Variants in ANO2 observed in about 807,000 individuals in gnomAD.
ANO2 encodes anoctamin 2, also known as anoctamin-2.
A neutral mutation model predicts 124.2 loss-of-function variants in ANO2; 101 were observed. The ratio of observed to expected loss-of-function variants is 0.81; its 90% CI spans 0.69 to 0.96. The LOEUF (loss-of-function observed/expected upper bound fraction) is 0.96, where lower values mean the gene tolerates loss of function less well. ANO2 is among the 40% of genes least tolerant of loss of function. ANO2 has a pLI of 0.00. For missense variants in ANO2, 1,293 were observed against 1,274.5 expected, an observed-to-expected ratio of 1.01 and a Z score of -0.22; for synonymous variants, 486 against 482.5, an observed-to-expected ratio of 1.01 and a Z score of -0.09.
intron 3 of ANO2, among the ~76,000 whole-genome samples, chr12:5,867,031 A>G (rs1955444967): frequency 6.6e-6 from 1 of 152,220 alleles, no homozygotes; most frequent in Non-Finnish European, 1.5e-5. Flanking sequence ...ATGACAGAAC[A>G]AGCCTCCCAT....
At chr12:5,739,233 A>T (rs546432843) in intron 13 of ANO2, 84 bp downstream of exon 13, 1 of 1,229,508 alleles carries the variant, frequency 8.1e-7, no homozygotes, top group East Asian at 2.5e-5. Context: ...ATACATGGTT[A>T]TCTCACTCAA....
At chr12:5,644,836 A>G (rs1946548792) in intron 15 of ANO2, among the ~76,000 whole-genome samples, 1 of 152,206 alleles carries the variant, frequency 6.6e-6, no homozygotes, top group South Asian at 2.1e-4. Context: ...TGGGCATAGA[A>G]TTCTTAGTTA....
At chr12:5,690,907 G>T (rs1948906131) in intron 14 of ANO2, among the ~76,000 whole-genome samples, 1 of 152,150 alleles carries the variant, frequency 6.6e-6, no homozygotes, top group Non-Finnish European at 1.5e-5. Flanking sequence ...CAGTCATCAG[G>T]CATTTATTGA....
rs1419428293 is a variant in ANO2 at position 5,853,931 on chromosome 12, C to T, written c.633+112G>A. ...CCGGCATCATGGGTCCCTGGGGAAGCAAGTGTGATTTCAATTCCACAAAAC... is the reference window on the plus strand; with the variant it reads ...CCGGCATCATGGGTCCCTGGGGAAGTAAGTGTGATTTCAATTCCACAAAAC... On this transcript the variant is annotated intron_variant, in intron 4 of 24. Coordinates refer to ENST00000682330, the MANE Select transcript of ANO2 (RefSeq NM_001364791.2). 3 of 257,548 alleles carry T rather than the reference C, an allele frequency of 1.2e-5. No homozygotes were observed. In the Admixed American group the frequency reaches 1.4e-4, roughly 12 times the overall value. The allele number at this position is 257,548 out of a possible 1,614,324, so 16.0% of individuals were successfully genotyped here.
intron 16 of ANO2, among the ~76,000 whole-genome samples, chr12:5,615,706 C>G (rs181035914): frequency 2.6e-5 from 4 of 152,238 alleles, no homozygotes; most frequent in Admixed American, 2.0e-4. Flanking sequence ...GGTCAAAAAG[C>G]TTATTAGCCA....
intron 10 of ANO2, among the ~76,000 whole-genome samples, chr12:5,798,601 G>A (rs1952943993): frequency 6.6e-6 from 1 of 152,128 alleles, no homozygotes; most frequent in Non-Finnish European, 1.5e-5. Flanking sequence ...GTCCACCATG[G>A]AGCAGCCTCC....
intron 14 of ANO2, among the ~76,000 whole-genome samples, chr12:5,672,579 T>A (rs1374670052): frequency 6.7e-6 from 1 of 148,838 alleles, no homozygotes; most frequent in Non-Finnish European, 1.5e-5. Flanking sequence ...GGCAGTCAGC[T>A]CGTGTGTGTG....
At chr12:5,709,997 T>C (rs1045822376) in intron 14 of ANO2, among the ~76,000 whole-genome samples, 6 of 151,928 alleles carry the variant, frequency 3.9e-5, no homozygotes, top group African/African-American at 9.7e-5. Flanking sequence ...CTGAGTTAGG[T>C]AGTTGGAGTT....
chr12:5,768,921 A>T (rs1951983554), intron 10 of ANO2, among the ~76,000 whole-genome samples: 1 of 152,176 alleles, frequency 6.6e-6, no homozygotes, highest in Non-Finnish European at 1.5e-5. Flanking sequence ...CAGGAAGGAC[A>T]AGAAAAGGCC....
intron 4 of ANO2, among the ~76,000 whole-genome samples, chr12:5,841,825 A>AC (rs1487684908): frequency 8.6e-4 from 131 of 152,344 alleles, no homozygotes; most frequent in Middle Eastern, 3.4e-3. Flanking sequence ...TCTTGTCATA[A>AC]CCCAGTCTTT....
At chr12:5,784,343 T>C (rs749566569) in intron 10 of ANO2, among the ~76,000 whole-genome samples, 23 of 152,228 alleles carry the variant, frequency 1.5e-4, no homozygotes, top group Non-Finnish European at 2.9e-4. Context: ...GGCTGACTTA[T>C]CAATCACCTT....
chr12:5,808,556 A>G (rs998207530), intron 7 of ANO2, among the ~76,000 whole-genome samples: 1 of 152,092 alleles, frequency 6.6e-6, no homozygotes, highest in African/African-American at 2.4e-5. Context: ...CTGGTACACA[A>G]TGATTTCCCT....
chr12:5,676,993 G>A (rs1264187571), intron 14 of ANO2, among the ~76,000 whole-genome samples: 2 of 152,180 alleles, frequency 1.3e-5, no homozygotes, highest in East Asian at 3.9e-4. Context: ...GGTGGAGGTT[G>A]CAGTAAGCCA....
intron 10 of ANO2, among the ~76,000 whole-genome samples, chr12:5,758,872 A>T (rs1951657191): frequency 6.6e-6 from 1 of 152,250 alleles, no homozygotes; most frequent in African/African-American, 2.4e-5. Context: ...TCAGGAAATA[A>T]GGCAATCAAT....
At chr12:5,724,059 A>G (rs1950339607) in intron 14 of ANO2, among the ~76,000 whole-genome samples, 1 of 152,114 alleles carries the variant, frequency 6.6e-6, no homozygotes, top group Admixed American at 6.5e-5. Context: ...GGTCCCAGGT[A>G]TCCTAATTCA....
chr12:5,939,213 CAAAAAAAAAA>C (rs34787622), intron 1 of ANO2, among the ~76,000 whole-genome samples: 22 of 86,194 alleles, frequency 2.6e-4, no homozygotes, highest in Middle Eastern at 0.02. Context: ...AAGACTCCAA[CAAAAAAAAAA>C]AAAAAAAAAA....
rs1940852475 is a variant in ANO2 at position 5,908,627 on chromosome 12, G to A, written c.534+12413C>T. On this transcript the variant is annotated intron_variant, in intron 3 of 24. Transcript: ENST00000682330. This position sits in a 1 kb window ranked among gnomAD's most constrained non-coding sequence, Gnocchi z 4.7. Reference sequence around the variant, plus strand: ...CCTAGGAGGCATTAGGCCATAAATGGCAATTTCCATGAATCATCATGGAAC... The same window carrying A: ...CCTAGGAGGCATTAGGCCATAAATGACAATTTCCATGAATCATCATGGAAC... Among the ~76,000 whole-genome samples, 1 of 152,096 alleles carries A rather than the reference G, an allele frequency of 6.6e-6. No homozygotes were observed. The highest frequency in any genetic ancestry group is 1.5e-5 in the Non-Finnish European group (1 of 68,006).
intron 4 of ANO2, among the ~76,000 whole-genome samples, chr12:5,841,773 T>A (rs1341732593): frequency 6.6e-6 from 1 of 152,210 alleles, no homozygotes; most frequent in Non-Finnish European, 1.5e-5. Context: ...CTTCTCTTCC[T>A]CTCCCCCACT....
intron 14 of ANO2, among the ~76,000 whole-genome samples, chr12:5,665,177 C>T (rs1362876666): frequency 1.3e-5 from 2 of 152,202 alleles, no homozygotes; most frequent in Non-Finnish European, 2.9e-5. Context: ...GCAGGGGCTA[C>T]TGGACCTCCA....
Sources: gnomAD v4.1 joint callset for allele counts (sites outside exome capture counted in the v4.1 genomes callset) on GRCh38, gnomAD v4.1.1 for gene constraint, Gnocchi (gnomAD v3.1) non-coding constraint, MANE v1.5 for transcripts, NCBI Gene and HGNC (gene_info 2026-07-23, HGNC 2026-07-21) for gene names.